The following NMNAT2 variants were observed in gnomAD, a reference collection of about 807,000 sequenced individuals.
NMNAT2 encodes the protein nicotinamide nucleotide adenylyltransferase 2.
Under a neutral mutation model 41.6 loss-of-function variants are expected in NMNAT2, and 11 were observed. The observed-to-expected ratio is 0.26, with a 90% CI of 0.17 to 0.44. The LOEUF is 0.44. Among genes scored for constraint, NMNAT2 ranks in the 20% least tolerant of loss-of-function variants. The pLI, the probability that NMNAT2 is intolerant of heterozygous loss-of-function variation, is 1.00. For synonymous variants in NMNAT2, 148 were observed against 151.2 expected, an observed-to-expected ratio of 0.98 and a Z score of 0.16; for missense variants, 288 against 407.7, an observed-to-expected ratio of 0.71 and a Z score of 2.53.
At chr1:183,352,007 A>C (rs1396298567) in intron 1 of NMNAT2, among the ~76,000 whole-genome samples, 3 of 152,188 alleles carry the variant, frequency 2.0e-5, no homozygotes, top group Non-Finnish European at 4.4e-5. Context: ...AGTGGATCCC[A>C]TGTAAGCCCA....
chr1:183,289,106 G>A (rs1431716720), intron 4 of NMNAT2, among the ~76,000 whole-genome samples: 1 of 152,214 alleles, frequency 6.6e-6, no homozygotes, highest in East Asian at 1.9e-4. Flanking sequence ...GTGTGGGGTG[G>A]TCAGGGGCTG....
intron 10 of NMNAT2, 46 bp downstream of exon 10, chr1:183,260,956 A>G (rs376445427): frequency 1.2e-5 from 17 of 1,450,244 alleles, no homozygotes; most frequent in Non-Finnish European, 1.6e-5. Context: ...GTGGAGACTT[A>G]TAAGACAGTT....
intron 1 of NMNAT2, among the ~76,000 whole-genome samples, chr1:183,313,946 G>A (rs1475326736): frequency 6.6e-6 from 1 of 152,156 alleles, no homozygotes; most frequent in Non-Finnish European, 1.5e-5. Flanking sequence ...TTTGTCTCTA[G>A]GGCCCTGATA....
intron 1 of NMNAT2, among the ~76,000 whole-genome samples, chr1:183,313,526 C>A (rs1662174886): frequency 6.6e-6 from 1 of 150,914 alleles, no homozygotes; most frequent in South Asian, 2.1e-4. Context: ...TTTGCCCAGG[C>A]TGGAGTGCAG....
intron 1 of NMNAT2, among the ~76,000 whole-genome samples, chr1:183,307,077 C>A (rs1662010061): frequency 6.6e-6 from 1 of 152,220 alleles, no homozygotes; most frequent in East Asian, 1.9e-4. Context: ...GTGCAGCTTG[C>A]CAATGTGGGA....
intron 1 of NMNAT2, among the ~76,000 whole-genome samples, chr1:183,325,917 A>G (rs915263647): frequency 1.3e-5 from 2 of 152,246 alleles, no homozygotes; most frequent in Non-Finnish European, 2.9e-5. Context: ...GAGGTGGACC[A>G]AACAGACATG....
rs1553217884 is a variant in NMNAT2 at position 183,352,581 on chromosome 1, A to AAAAC, written c.86-58789_86-58788insGTTT. Among the ~76,000 whole-genome samples, 34 of 148,416 alleles carry AAAAC rather than the reference A, an allele frequency of 2.3e-4. 1 individual carries two copies. The East Asian group carries it at 5.9e-3, about 26-fold the overall frequency. ...CTGTCTCAAAAAAAAAAAAAAAAAA[A>AAAAC]AAAAAGAGATTTGTGAGTGAGAATT... On this transcript the variant is annotated intron_variant, in intron 1 of 10. Transcript: ENST00000287713.
intron 1 of NMNAT2, among the ~76,000 whole-genome samples, chr1:183,296,167 A>C (rs11807115): frequency 6.6e-6 from 1 of 152,088 alleles, no homozygotes; most frequent in Non-Finnish European, 1.5e-5. Context: ...CATTTCTTTT[A>C]ATCACTAAAT....
At chr1:183,338,742 C>T (rs1662732273) in intron 1 of NMNAT2, among the ~76,000 whole-genome samples, 3 of 152,184 alleles carry the variant, frequency 2.0e-5, no homozygotes, top group Admixed American at 1.3e-4. Flanking sequence ...TTATTAAACC[C>T]GGGACATAGG....
chr1:183,369,272 T>C (rs1663480238), intron 1 of NMNAT2, among the ~76,000 whole-genome samples: 1 of 151,448 alleles, frequency 6.6e-6, no homozygotes, highest in Non-Finnish European at 1.5e-5. Flanking sequence ...TCTTTTTTTT[T>C]TTTTATTATT....
At chr1:183,396,573 C>A (rs1010053013) in intron 1 of NMNAT2, among the ~76,000 whole-genome samples, 3 of 152,104 alleles carry the variant, frequency 2.0e-5, no homozygotes, top group African/African-American at 4.8e-5. Context: ...AAGCACACTG[C>A]ACATGCTCCC....
chr1:183,367,201 G>C (rs1367455679), intron 1 of NMNAT2, among the ~76,000 whole-genome samples: 3 of 152,198 alleles, frequency 2.0e-5, no homozygotes, highest in African/African-American at 7.2e-5. Flanking sequence ...GCTCAGGCCT[G>C]TAACCCCAGC....
chr1:183,312,377 G>C (rs117511553), intron 1 of NMNAT2, among the ~76,000 whole-genome samples: 1 of 151,520 alleles, frequency 6.6e-6, no homozygotes, highest in Non-Finnish European at 1.5e-5. Context: ...ATTACAGTAG[G>C]CATGAGTCAC....
chr1:183,329,003 A>AGGTAGCAAGTC (rs1662524774), intron 1 of NMNAT2, among the ~76,000 whole-genome samples: 1 of 152,204 alleles, frequency 6.6e-6, no homozygotes, highest in African/African-American at 2.4e-5. Flanking sequence ...AGAGGAGCAG[A>AGGTAGCAAGTC]GGTAGCAAGT....
At chr1:183,368,493 T>C (rs2102364247) in intron 1 of NMNAT2, among the ~76,000 whole-genome samples, 1 of 152,078 alleles carries the variant, frequency 6.6e-6, no homozygotes, top group South Asian at 2.1e-4. Flanking sequence ...AGAATTGGGG[T>C]GTTTGGGGAG....
intron 2 of NMNAT2, 106 bp downstream of exon 2, chr1:183,293,599 G>T: frequency 1.2e-6 from 1 of 822,866 alleles, no homozygotes; most frequent in Non-Finnish European, 2.1e-6. Flanking sequence ...GTGTTTCCAG[G>T]AATCTTAGCA....
intron 1 of NMNAT2, among the ~76,000 whole-genome samples, chr1:183,357,219 C>CTTTTTT (rs11343113): frequency 4.2e-5 from 3 of 71,600 alleles, no homozygotes; most frequent in African/African-American, 5.8e-5. Context: ...ACATCAAATT[C>CTTTTTT]TTTTTTTTTT....
At chr1:183,293,405 A>G (rs1221046375) in intron 2 of NMNAT2, among the ~76,000 whole-genome samples, 1 of 152,234 alleles carries the variant, frequency 6.6e-6, no homozygotes, top group African/African-American at 2.4e-5. Context: ...TCTGGCATCC[A>G]CCATACCAAG....
chr1:183,292,790 C>T lies in NMNAT2; in HGVS notation c.242G>A (p.Arg81Lys). Residue 81 changes from arginine (R) to lysine (K), a missense_variant and splice_region_variant, in exon 3 of 11, where the codon AGG (arginine) becomes AAG (lysine). Transcript: ENST00000287713. Reference sequence around the variant, plus strand: ...TCTGGCATCTTCAGGCCAGTCCTACCTGATCCAATCAGAATTCTGGACGGC... The same window carrying T: ...TCTGGCATCTTCAGGCCAGTCCTACTTGATCCAATCAGAATTCTGGACGGC... Reference protein sequence around the residue: ...QLAVQNSDWIRVDPWECYQDT... With the variant: ...QLAVQNSDWIKVDPWECYQDT... 1 of 1,613,848 alleles carries T rather than the reference C, an allele frequency of 6.2e-7. No homozygotes were observed. The highest frequency in any genetic ancestry group is 8.5e-7 in the Non-Finnish European group (1 of 1,179,870).
Sources: gnomAD v4.1 joint callset for allele counts (sites outside exome capture counted in the v4.1 genomes callset) on GRCh38, gnomAD v4.1.1 for gene constraint, MANE v1.5 for transcripts, NCBI Gene and HGNC (gene_info 2026-07-23, HGNC 2026-07-21) for gene names.